TRIO: variants seen among roughly 807,000 people sequenced by gnomAD.
TRIO encodes the protein trio Rho guanine nucleotide exchange factor.
Under a neutral mutation model 351.9 loss-of-function variants are expected in TRIO, and 58 were observed. The ratio of observed to expected loss-of-function variants is 0.16; its 90% confidence interval spans 0.13 to 0.21. The LOEUF (loss-of-function observed/expected upper bound fraction) is 0.21, where lower values mean the gene tolerates loss of function less well. Among genes scored for constraint, TRIO ranks in the 10% least tolerant of loss-of-function variants. The probability of loss-of-function intolerance (pLI) is 1.00; values close to 1 mark genes in which losing one functional copy is unlikely to be tolerated. For missense variants in TRIO, 3,201 were observed against 4,027.8 expected (o/e 0.79, Z 5.56); for synonymous variants, 1,758 against 1,595.7 (o/e 1.10, Z -2.42).
At chr5:14,309,654 C>A (rs1208223011) in intron 8 of TRIO, among the ~76,000 whole-genome samples, 1 of 152,192 alleles carries the variant, frequency 6.6e-6, no homozygotes, top group African/African-American at 2.4e-5. Context: ...ACATGCTGAG[C>A]AGCACTCCTG....
At chr5:14,490,695 T>C (rs1200018819) in intron 48 of TRIO, 1 of 424,780 alleles carries the variant, frequency 2.4e-6, no homozygotes, top group African/African-American at 2.0e-5. Flanking sequence ...TTAAGCAGGA[T>C]AGACTTGAAA....
chr5:14,419,540 G>C (rs1345944410), intron 33 of TRIO, among the ~76,000 whole-genome samples: 1 of 152,174 alleles, frequency 6.6e-6, no homozygotes, highest in African/African-American at 2.4e-5. Context: ...AAAAATGAGT[G>C]TATATATAAT....
chr5:14,286,972 C>T lies in TRIO; in HGVS notation c.449C>T (p.Pro150Leu). 1 of 1,614,216 alleles carries T rather than the reference C, an allele frequency of 6.2e-7. No individual in the cohort carries two copies. The highest frequency in any genetic ancestry group is 8.5e-7 in the Non-Finnish European group (1 of 1,180,038). ...CTGAAGATCCTGCAGGAGTCCTTCC[C>T]CTGCTGCATCCATGTGGCCCTGATC... ...PLLKILQESF[P>L]CCIHVALIIK... Residue 150 changes from proline (P) to leucine (L), a missense_variant, in exon 4 of 57, where the codon CCC becomes CTC. Around this residue, in one of 19 missense-constraint regions of TRIO, gnomAD observed 30 missense variants for 35.1 expected, o/e 0.85. Transcript: ENST00000344204. This position sits in a 1 kb window ranked among gnomAD's most constrained non-coding sequence, Gnocchi z 4.4.
Position 14,356,349 on chromosome 5 carries a change from C to G in TRIO, c.2047-1829C>G, listed in dbSNP as rs1165175968. ...AGTGTGTTTTTGAAGATATGTTTGA[C>G]AGCAAAAGAACACTTAAAAGCTTAG... On this transcript the variant is annotated intron_variant, in intron 11 of 56. Transcript: ENST00000344204. Among the ~76,000 whole-genome samples, 12 of 152,292 alleles carry G rather than the reference C, an allele frequency of 7.9e-5. No homozygotes were observed. The East Asian group carries it at 2.3e-3, about 29-fold the overall frequency.
chr5:14,323,191 G>GT (rs34805475), intron 9 of TRIO, among the ~76,000 whole-genome samples: 33,062 of 152,078 alleles, frequency 0.22, 3,885 homozygotes, highest in Middle Eastern at 0.29. Context: ...ACAAATGTGT[G>GT]TTGAATTCTG....
At chr5:14,481,726 T>A (rs1447467126) in intron 45 of TRIO, 108 bp downstream of exon 45, 20 of 1,104,218 alleles carry the variant, frequency 1.8e-5, no homozygotes, top group Non-Finnish European at 2.4e-5. Context: ...CACTTGGTTT[T>A]CTGGCTTCTC....
rs1275251627 is a variant in TRIO at position 14,286,497 on chromosome 5, G to A, written c.348-374G>A. ...GGCTGTCAGGGTTTTGTACTCACCC[G>A]ATGCTCCCTGGAGACCTTTGCTCGC... On this transcript the variant is annotated intron_variant, in intron 3 of 56. Coordinates refer to ENST00000344204, the MANE Select transcript of TRIO (RefSeq NM_007118.4). This position sits in a 1 kb window ranked among gnomAD's most constrained non-coding sequence, Gnocchi z 4.4. 1.3e-5 allele frequency among the ~76,000 whole-genome samples: 2 copies of A among 152,184 alleles called. No individual in the cohort carries two copies. The highest frequency in any genetic ancestry group is 1.9e-4 in the East Asian group (1 of 5,172).
chr5:14,491,577 G>A (rs540687901), intron 48 of TRIO, among the ~76,000 whole-genome samples: 19 of 152,192 alleles, frequency 1.2e-4, no homozygotes, highest in Non-Finnish European at 2.4e-4. Flanking sequence ...ATGAGAGTGG[G>A]ACAAACACTG....
intron 1 of TRIO, among the ~76,000 whole-genome samples, chr5:14,204,908 CACCATGTAT>C (rs1303207160): frequency 6.6e-6 from 1 of 152,166 alleles, no homozygotes. Flanking sequence ...CAGGGCCTGC[CACCATGTAT>C]ACACTTTAGT....
At position 14,143,900 on chromosome 5, in the gene TRIO, C is replaced by T. The variant is rs1787327160; in HGVS notation, c.157+18C>T. The T allele has an allele frequency of 2.8e-6, 3 of 1,071,174 alleles. No individual in the cohort carries two copies. The highest frequency in any genetic ancestry group is 2.3e-6 in the Non-Finnish European group (2 of 885,802). 66.4% of individuals were successfully genotyped at this position (1,071,174 alleles called of 1,614,324 possible). ...CCGATCCGGTGAGTGCAACTGCGGC[C>T]GGCCCGCCCAGCGGCGCTGCCCCAA... On this transcript the variant is annotated intron_variant, in intron 1 of 56. Transcript: ENST00000344204.
chr5:14,488,485 C>G (rs929881170), intron 48 of TRIO: 1 of 604,164 alleles, frequency 1.7e-6, no homozygotes, highest in African/African-American at 1.9e-5. Flanking sequence ...CGATCATTAA[C>G]CTTCTCAACG....
At chr5:14,409,172 C>A (rs552088707) in intron 33 of TRIO, among the ~76,000 whole-genome samples, 59 of 152,234 alleles carry the variant, frequency 3.9e-4, no homozygotes, top group African/African-American at 1.3e-3. Context: ...AGCCCTGGCC[C>A]CTAAGGCGCG....
chr5:14,502,474 C>T lies in TRIO; in HGVS notation c.8333-105C>T, dbSNP rs76516749. The T allele has an allele frequency of 9.0e-5, 97 of 1,077,380 alleles. No homozygotes were observed. The East Asian group carries it at 1.9e-3, about 21-fold the overall frequency. 66.7% of individuals were successfully genotyped at this position (1,077,380 alleles called of 1,614,324 possible). On this transcript the variant is annotated intron_variant, in intron 53 of 56. Transcript: ENST00000344204. ...TCGCATGAGCCGTGTGGCAGGTGCC[C>T]GGTGGCCACGCGCAGCTGCTGTGAG...
intron 10 of TRIO, among the ~76,000 whole-genome samples, chr5:14,334,221 C>A (rs962105732): frequency 6.6e-6 from 1 of 152,164 alleles, no homozygotes; most frequent in Non-Finnish European, 1.5e-5. Context: ...ATGGTTGATA[C>A]TAGCACAAAG....
intron 1 of TRIO, among the ~76,000 whole-genome samples, chr5:14,176,019 A>G (rs547084597): frequency 4.6e-5 from 7 of 152,222 alleles, no homozygotes; most frequent in Non-Finnish European, 7.3e-5. Flanking sequence ...AATTCCTTAG[A>G]AAAGCCAGGC....
chr5:14,302,169 A>G (rs576027668), intron 7 of TRIO, among the ~76,000 whole-genome samples: 12 of 152,348 alleles, frequency 7.9e-5, no homozygotes, highest in African/African-American at 1.2e-4. Flanking sequence ...TTGGAGTCCA[A>G]TATACTTTAA....
Position 14,488,049 on chromosome 5 carries a change from C to A in TRIO, c.7421C>A (p.Pro2474His), listed in dbSNP as rs779173803. ...AVPSLGKEPF[P>H]PSSPLQKGGS... is the part of the protein sequence containing the mutation. ...CCTTCTCTCGGCAAGGAGCCCTTCCCCCCCAGCAGCCCCCTGCAGAAGGGG... is the reference window on the plus strand; with the variant it reads ...CCTTCTCTCGGCAAGGAGCCCTTCCACCCCAGCAGCCCCCTGCAGAAGGGG... The change falls in exon 48 of 57, where the codon CCC (proline) becomes CAC (histidine). Residue 2474 changes from proline (P) to histidine (H), a missense_variant. Pro to His is a moderately conservative substitution (Grantham distance 77). Coordinates refer to ENST00000344204, the MANE Select transcript of TRIO (RefSeq NM_007118.4). The A allele has an allele frequency of 6.2e-7, 1 of 1,608,940 alleles. No homozygotes were observed. Among genetic ancestry groups the A allele is most frequent in the Non-Finnish European group, 8.5e-7 (1 of 1,178,640 alleles).
chr5:14,270,735 A>C (rs1462899804), intron 1 of TRIO, 90 bp from the exon 2 acceptor site: 4 of 933,862 alleles, frequency 4.3e-6, no homozygotes, highest in Non-Finnish European at 6.9e-6. Context: ...ATGTGGATAA[A>C]GCTGCTGTGT....
intron 34 of TRIO, among the ~76,000 whole-genome samples, chr5:14,422,252 T>C (rs1304180622): frequency 6.6e-6 from 1 of 152,202 alleles, no homozygotes; most frequent in Non-Finnish European, 1.5e-5. Flanking sequence ...TCAGGGACGG[T>C]ATGGAACTGG....
Sources: gnomAD v4.1 joint callset for allele counts (sites outside exome capture counted in the v4.1 genomes callset) on GRCh38, gnomAD v4.1.1 for gene constraint, gnomAD v4.1.1 regional missense constraint, Gnocchi (gnomAD v3.1) non-coding constraint, MANE v1.5 for transcripts, NCBI Gene and HGNC (gene_info 2026-07-23, HGNC 2026-07-21) for gene names.